COL24A1: variants seen among roughly 807,000 people sequenced by gnomAD.
COL24A1 encodes collagen type XXIV alpha 1 chain, also known as collagen alpha-1(XXIV) chain.
A neutral mutation model predicts 253.9 loss-of-function variants in COL24A1; 224 were observed. The observed-to-expected ratio is 0.88, with a 90% confidence interval of 0.79 to 0.99. COL24A1 has a LOEUF of 0.99. COL24A1 is among the 50% of genes least tolerant of loss of function. COL24A1 has a pLI of 0.00. For missense variants in COL24A1, 2,131 were observed against 2,068.5 expected, an observed-to-expected ratio of 1.03 and a Z score of -0.59; for synonymous variants, 685 against 673.7, an observed-to-expected ratio of 1.02 and a Z score of -0.26.
chr1:86,026,978 T>C (rs1698090386), intron 14 of COL24A1, among the ~76,000 whole-genome samples: 1 of 152,188 alleles, frequency 6.6e-6, no homozygotes, highest in Non-Finnish European at 1.5e-5. Flanking sequence ...AACAGACTGG[T>C]GGCATTTTGC....
At chr1:85,850,190 TA>T (rs1314594901) in intron 37 of COL24A1, among the ~76,000 whole-genome samples, 2 of 152,188 alleles carry the variant, frequency 1.3e-5, no homozygotes, top group Non-Finnish European at 2.9e-5. Context: ...AAACAATGGT[TA>T]GGCTTAAGTG....
At chr1:85,944,101 G>A (rs1303967444) in intron 24 of COL24A1, among the ~76,000 whole-genome samples, 1 of 152,184 alleles carries the variant, frequency 6.6e-6, no homozygotes, top group Non-Finnish European at 1.5e-5. Flanking sequence ...CTTTGGAAAA[G>A]ATTATATGGC....
chr1:85,856,022 G>A lies in COL24A1; in HGVS notation c.3301-6616C>T, dbSNP rs556346279. 5.9e-5 allele frequency among the ~76,000 whole-genome samples: 9 copies of A among 152,184 alleles called. No individual in the cohort carries two copies. The South Asian group carries it at 6.2e-4, about 11-fold the overall frequency. On this transcript the variant is annotated intron_variant, in intron 37 of 59. Transcript: ENST00000370571. ...GTCTCTGAGGGTTTTTTGTATTTCCGTGGTATTGATGGTAACATCCCCTTT... is the reference window on the plus strand; with the variant it reads ...GTCTCTGAGGGTTTTTTGTATTTCCATGGTATTGATGGTAACATCCCCTTT...
At position 85,878,847 on chromosome 1, in the gene COL24A1, T is replaced by C. The variant is rs573302608; in HGVS notation, c.2977-1672A>G. On this transcript the variant is annotated intron_variant, in intron 32 of 59. Transcript: ENST00000370571. Reference sequence around the variant, plus strand: ...TACTAATGACATATGATGTTGAGCATATTTTTACATTCTTCTATGCCATTT... The same window carrying C: ...TACTAATGACATATGATGTTGAGCACATTTTTACATTCTTCTATGCCATTT... 1.6e-4 allele frequency among the ~76,000 whole-genome samples: 24 copies of C among 152,356 alleles called. No individual in the cohort carries two copies. In the South Asian group the frequency reaches 4.8e-3, roughly 30 times the overall value.
chr1:85,825,632 G>A (rs879901708), intron 43 of COL24A1, among the ~76,000 whole-genome samples: 97 of 150,488 alleles, frequency 6.4e-4, no homozygotes, highest in Non-Finnish European at 1.2e-3. Context: ...GGTGTGAGAT[G>A]GTATCTCATT....
intron 59 of COL24A1, 74 bp downstream of exon 59, chr1:85,734,675 A>G: frequency 1.5e-6 from 2 of 1,355,502 alleles, no homozygotes; most frequent in Non-Finnish European, 2.1e-6. Context: ...TCTTACTCTA[A>G]TTATCCTAAT....
At chr1:85,761,622 A>G in intron 53 of COL24A1, 56 bp from the exon 54 acceptor site, 3 of 1,565,116 alleles carry the variant, frequency 1.9e-6, no homozygotes, top group South Asian at 1.1e-5. Context: ...GGTTGGGTAT[A>G]AGCAAGATAA....
chr1:85,734,624 A>T, intron 59 of COL24A1, 125 bp downstream of exon 59: 1 of 803,314 alleles, frequency 1.2e-6, no homozygotes, highest in Non-Finnish European at 2.0e-6. Context: ...CAGGCACATT[A>T]AAACTTACTA....
At chr1:86,058,102 C>A in intron 9 of COL24A1, 127 bp from the exon 10 acceptor site, 2 of 602,670 alleles carry the variant, frequency 3.3e-6, no homozygotes, top group South Asian at 6.2e-5. Context: ...CTCTGTATAA[C>A]TAATGAAGAT....
At chr1:85,895,827 T>A (rs1558566088) in intron 31 of COL24A1, 31 bp downstream of exon 31, 2 of 1,585,686 alleles carry the variant, frequency 1.3e-6, no homozygotes, top group Non-Finnish European at 1.7e-6. Context: ...AGATAAAAAT[T>A]TTTCATAGCA....
At chr1:85,836,688 T>C (rs578178417) in intron 43 of COL24A1, among the ~76,000 whole-genome samples, 6 of 152,188 alleles carry the variant, frequency 3.9e-5, no homozygotes, top group African/African-American at 1.2e-4. Flanking sequence ...TAGCATAGAA[T>C]CATCAATAAA....
intron 55 of COL24A1, 55 bp downstream of exon 55, chr1:85,761,341 A>C: frequency 6.3e-7 from 1 of 1,584,930 alleles, no homozygotes; most frequent in African/African-American, 1.4e-5. Context: ...ATATTTAAAA[A>C]GTTAATATGA....
At chr1:85,808,878 C>T (rs966700094) in intron 47 of COL24A1, among the ~76,000 whole-genome samples, 1 of 152,092 alleles carries the variant, frequency 6.6e-6, no homozygotes, top group Non-Finnish European at 1.5e-5. Flanking sequence ...GGCTTAAAGG[C>T]TAGGGTTTTT....
In COL24A1 at chr1:86,104,397, A is replaced by G. The variant is rs1704745390; in HGVS notation, c.1599+8170T>C. Among the ~76,000 whole-genome samples the G allele has an allele frequency of 2.0e-5, 3 of 152,298 alleles. No individual in the cohort carries two copies. The South Asian group carries it at 6.2e-4, about 32-fold the overall frequency. ...TCTGTCATTTCAGCCATCTCAGCCC[A>G]GTTCAGAACCTTGCTGCAGGGCTAA... is the stretch of plus-strand genomic sequence containing the variant. On this transcript the variant is annotated intron_variant, in intron 5 of 59. Transcript: ENST00000370571.
At chr1:85,923,622 T>C (rs57864197) in intron 24 of COL24A1, among the ~76,000 whole-genome samples, 1 of 152,018 alleles carries the variant, frequency 6.6e-6, no homozygotes, top group Non-Finnish European at 1.5e-5. Context: ...TTGAAACCAA[T>C]GAGAACAAAG....
intron 1 of COL24A1, among the ~76,000 whole-genome samples, chr1:86,148,453 C>T (rs921963291): frequency 4.3e-4 from 65 of 152,240 alleles, no homozygotes; most frequent in South Asian, 1.7e-3. Context: ...CACCCACTAA[C>T]TCGTCATCTA....
chr1:86,132,439 C>A (rs931430257), intron 2 of COL24A1, among the ~76,000 whole-genome samples: 10 of 152,104 alleles, frequency 6.6e-5, no homozygotes, highest in African/African-American at 2.4e-4. Flanking sequence ...AAGTCCTTGC[C>A]CATGCCTATG....
intron 55 of COL24A1, among the ~76,000 whole-genome samples, chr1:85,758,317 T>C (rs1194481144): frequency 6.6e-6 from 1 of 152,082 alleles, no homozygotes; most frequent in Non-Finnish European, 1.5e-5. Context: ...GGTTCTACAG[T>C]TGACCCATTA....
chr1:86,080,421 A>T (rs2101900746), intron 7 of COL24A1, among the ~76,000 whole-genome samples: 1 of 152,322 alleles, frequency 6.6e-6, no homozygotes, highest in South Asian at 2.1e-4. Context: ...ATAATTTAAA[A>T]TAAATAGAGT....
Sources: gnomAD v4.1 joint callset for allele counts (sites outside exome capture counted in the v4.1 genomes callset) on GRCh38, gnomAD v4.1.1 for gene constraint, MANE v1.5 for transcripts, NCBI Gene and HGNC (gene_info 2026-07-23, HGNC 2026-07-21) for gene names.